Variants in ROBO1 observed in about 807,000 individuals in gnomAD.
ROBO1 encodes the protein roundabout guidance receptor 1, also known as roundabout homolog 1.
A neutral mutation model predicts 195.9 loss-of-function variants in ROBO1; 149 were observed. That is an observed-to-expected ratio of 0.76 (90% CI 0.67 to 0.87). ROBO1 has a LOEUF of 0.87. ROBO1 is among the 40% of genes least tolerant of loss of function. ROBO1 has a pLI of 0.00. For synonymous variants in ROBO1, 816 were observed against 733.2 expected, an observed-to-expected ratio of 1.11 and a Z score of -1.82; for missense variants, 1,933 against 2,068.3, an observed-to-expected ratio of 0.93 and a Z score of 1.27.
intron 3 of ROBO1, among the ~76,000 whole-genome samples, chr3:79,090,936 G>C (rs539318447): frequency 3.8e-4 from 57 of 151,654 alleles, no homozygotes; most frequent in African/African-American, 1.4e-3. Flanking sequence ...TTTTCTATTT[G>C]TCTATTATAA....
chr3:79,451,567 A>C (rs2039443059), intron 2 of ROBO1, among the ~76,000 whole-genome samples: 1 of 152,172 alleles, frequency 6.6e-6, no homozygotes, highest in African/African-American at 2.4e-5. Flanking sequence ...TTTACCAGAG[A>C]AAAACTCTTA....
intron 4 of ROBO1, among the ~76,000 whole-genome samples, chr3:78,905,800 G>A (rs747072975): frequency 3.9e-5 from 6 of 152,218 alleles, no homozygotes; most frequent in Middle Eastern, 3.4e-3. Context: ...TTTAAAGGAA[G>A]TACGATTACT....
intron 1 of ROBO1, among the ~76,000 whole-genome samples, chr3:79,606,696 T>C (rs1944496744): frequency 6.6e-6 from 1 of 151,988 alleles, no homozygotes; most frequent in Non-Finnish European, 1.5e-5. Context: ...AGACCAGTGG[T>C]CACCCTTGAT....
At chr3:78,791,435 C>T (rs1176211990) in intron 4 of ROBO1, among the ~76,000 whole-genome samples, 3 of 152,186 alleles carry the variant, frequency 2.0e-5, no homozygotes, top group Non-Finnish European at 2.9e-5. Context: ...GATACTGACA[C>T]TTCTGCCCTT....
intron 1 of ROBO1, among the ~76,000 whole-genome samples, chr3:79,648,557 C>T (rs539011891): frequency 4.6e-5 from 7 of 151,730 alleles, no homozygotes; most frequent in African/African-American, 9.7e-5. Context: ...TTTCAATAGA[C>T]GTACTTAAAA....
chr3:78,903,761 T>C (rs2037728286), intron 4 of ROBO1, among the ~76,000 whole-genome samples: 1 of 152,168 alleles, frequency 6.6e-6, no homozygotes, highest in Admixed American at 6.5e-5. Flanking sequence ...TATTTTCAAA[T>C]AAACCCAATT....
At chr3:79,572,788 A>G (rs1943322078) in intron 2 of ROBO1, among the ~76,000 whole-genome samples, 2 of 152,172 alleles carry the variant, frequency 1.3e-5, no homozygotes, top group South Asian at 4.1e-4. Flanking sequence ...TAAATATCTG[A>G]AATGTAATTT....
chr3:79,000,905 A>T (rs2077486007), intron 3 of ROBO1, among the ~76,000 whole-genome samples: 1 of 152,190 alleles, frequency 6.6e-6, no homozygotes, highest in South Asian at 2.1e-4. Context: ...GATAAAGAAA[A>T]TGTGGCACGT....
intron 3 of ROBO1, among the ~76,000 whole-genome samples, chr3:79,029,406 C>T (rs944566612): frequency 2.0e-5 from 3 of 151,892 alleles, no homozygotes; most frequent in African/African-American, 7.3e-5. Flanking sequence ...TCTGGAAAAC[C>T]CATCTGTCTT....
intron 3 of ROBO1, among the ~76,000 whole-genome samples, chr3:79,016,925 A>G (rs9845900): frequency 0.96 from 146,841 of 152,202 alleles, 70,963 homozygotes; most frequent in East Asian, 1. Context: ...TTGCATCCAT[A>G]GCTAGGGGTG....
intron 3 of ROBO1, among the ~76,000 whole-genome samples, chr3:79,032,868 T>C (rs1421312889): frequency 6.6e-6 from 1 of 152,036 alleles, no homozygotes; most frequent in Non-Finnish European, 1.5e-5. Flanking sequence ...AATGTTTCAA[T>C]TGGTTGAGGA....
chr3:79,434,665 A>G (rs892064885), intron 2 of ROBO1, among the ~76,000 whole-genome samples: 3 of 152,148 alleles, frequency 2.0e-5, no homozygotes, highest in African/African-American at 7.2e-5. Flanking sequence ...CGATTCCTCA[A>G]GGATCTAGAT....
chr3:79,125,559 AGCT>A lies in ROBO1; in HGVS notation c.89-23_89-21del, dbSNP rs779004996. The A allele has an allele frequency of 1.2e-6, 2 of 1,601,976 alleles. No homozygotes were observed. Among genetic ancestry groups the A allele is most frequent in the Non-Finnish European group, 1.7e-6 (2 of 1,169,812 alleles). Reference sequence around the variant, plus strand: ...CAGGGTCTGTCGGAAACAACACCAGAGCTGCTGATGGGGTCACAGTAGTAACAG... The same window carrying A: ...CAGGGTCTGTCGGAAACAACACCAGAGCTGATGGGGTCACAGTAGTAACAG... On this transcript the variant is annotated intron_variant, in intron 2 of 30. Transcript: ENST00000464233.
chr3:79,424,358 G>A (rs1006642435), intron 2 of ROBO1, among the ~76,000 whole-genome samples: 4 of 151,996 alleles, frequency 2.6e-5, no homozygotes, highest in Non-Finnish European at 5.9e-5. Context: ...ACCTGGACCA[G>A]GTTGAATCTC....
At chr3:79,622,383 G>A (rs1289805071) in intron 1 of ROBO1, among the ~76,000 whole-genome samples, 1 of 152,178 alleles carries the variant, frequency 6.6e-6, no homozygotes, top group East Asian at 1.9e-4. Flanking sequence ...AACTCCTTGG[G>A]GGAGGGGTAG....
chr3:79,291,361 T>C (rs2032235940), intron 2 of ROBO1, among the ~76,000 whole-genome samples: 1 of 152,132 alleles, frequency 6.6e-6, no homozygotes, highest in African/African-American at 2.4e-5. Flanking sequence ...CTCTCCAACC[T>C]TTTAGTATTT....
chr3:78,768,112 A>T (rs1300423511), intron 4 of ROBO1, among the ~76,000 whole-genome samples: 2 of 151,872 alleles, frequency 1.3e-5, no homozygotes, highest in East Asian at 3.9e-4. Context: ...AGAGGTTTTG[A>T]TAGGTTGTAT....
intron 2 of ROBO1, among the ~76,000 whole-genome samples, chr3:79,292,263 A>G (rs968503619): frequency 5.3e-5 from 8 of 152,206 alleles, no homozygotes; most frequent in Admixed American, 5.2e-4. Flanking sequence ...TTATCAGCTT[A>G]AGGATATTTG....
intron 8 of ROBO1, among the ~76,000 whole-genome samples, chr3:78,704,537 C>A (rs537601018): frequency 2.6e-4 from 40 of 151,626 alleles, no homozygotes; most frequent in Admixed American, 7.2e-4. Context: ...TTCACTTTTA[C>A]CTAAATTTTA....
Sources: gnomAD v4.1 joint callset for allele counts (sites outside exome capture counted in the v4.1 genomes callset) on GRCh38, gnomAD v4.1.1 for gene constraint, MANE v1.5 for transcripts, NCBI Gene and HGNC (gene_info 2026-07-23, HGNC 2026-07-21) for gene names.